The following RETREG1 variants were observed in gnomAD, a reference collection of about 807,000 sequenced individuals.
The protein encoded by RETREG1 is reticulophagy regulator 1.
A neutral mutation model predicts 54.8 loss-of-function variants in RETREG1; 44 were observed. That is an observed-to-expected ratio of 0.80 (90% CI 0.63 to 1.03). RETREG1 has a LOEUF of 1.03. RETREG1 is among the 50% of genes least tolerant of loss of function. The pLI, the probability that RETREG1 is intolerant of heterozygous loss-of-function variation, is 0.00. For synonymous variants in RETREG1, 217 were observed against 238.5 expected, an observed-to-expected ratio of 0.91 and a Z score of 0.83; for missense variants, 554 against 605.1, an observed-to-expected ratio of 0.92 and a Z score of 0.89.
chr5:16,496,671 CACA>C (rs1172388222), intron 3 of RETREG1, among the ~76,000 whole-genome samples: 1 of 152,184 alleles, frequency 6.6e-6, no homozygotes, highest in Non-Finnish European at 1.5e-5. Context: ...CAGAATCTGC[CACA>C]ACAATTCTCT....
intron 2 of RETREG1, among the ~76,000 whole-genome samples, chr5:16,569,872 A>G (rs555101233): frequency 6.6e-6 from 1 of 152,354 alleles, no homozygotes; most frequent in Non-Finnish European, 1.5e-5. Context: ...TGACATAGAC[A>G]GAAGAGAAGG....
At chr5:16,554,294 G>A (rs184363368) in intron 3 of RETREG1, among the ~76,000 whole-genome samples, 1 of 152,250 alleles carries the variant, frequency 6.6e-6, no homozygotes, top group East Asian at 1.9e-4. Context: ...TGTTTCTCTG[G>A]ACTTTGTCCC....
At chr5:16,540,221 G>C (rs1741201198) in intron 3 of RETREG1, among the ~76,000 whole-genome samples, 1 of 152,192 alleles carries the variant, frequency 6.6e-6, no homozygotes, top group South Asian at 2.1e-4. Context: ...TTATACAGCA[G>C]TTTGTATTTC....
At chr5:16,582,175 T>C (rs993462401) in intron 1 of RETREG1, among the ~76,000 whole-genome samples, 14 of 152,214 alleles carry the variant, frequency 9.2e-5, no homozygotes, top group African/African-American at 3.1e-4. Flanking sequence ...AAAGACATAC[T>C]GTGTGGTTTA....
intron 1 of RETREG1, among the ~76,000 whole-genome samples, chr5:16,612,060 G>A (rs1217090090): frequency 1.4e-4 from 16 of 111,694 alleles, no homozygotes; most frequent in Non-Finnish European, 2.5e-4. Context: ...GAGAGACTCC[G>A]TCTCAAAAAA....
At chr5:16,489,379 G>T (rs931309314) in intron 3 of RETREG1, among the ~76,000 whole-genome samples, 5 of 152,260 alleles carry the variant, frequency 3.3e-5, no homozygotes, top group Non-Finnish European at 4.4e-5. Flanking sequence ...TAATGCACTT[G>T]GCTGGCAGTT....
intron 3 of RETREG1, among the ~76,000 whole-genome samples, chr5:16,517,219 C>A (rs2126575705): frequency 7.2e-6 from 1 of 139,686 alleles, no homozygotes; most frequent in African/African-American, 2.7e-5. Context: ...CAGAATGCAG[C>A]TTACATCCAG....
chr5:16,572,134 A>G (rs767274078), intron 1 of RETREG1, 32 bp from the exon 2 acceptor site: 1 of 1,512,462 alleles, frequency 6.6e-7, no homozygotes, highest in South Asian at 1.1e-5. Flanking sequence ...CAGTATTTCA[A>G]TTTGAGGATT....
intron 3 of RETREG1, among the ~76,000 whole-genome samples, chr5:16,554,751 A>G (rs962349066): frequency 2.0e-5 from 3 of 152,164 alleles, no homozygotes; most frequent in Non-Finnish European, 2.9e-5. Context: ...CTACAACATG[A>G]TCTTTATTGG....
chr5:16,534,157 C>CA (rs980969686), intron 3 of RETREG1, among the ~76,000 whole-genome samples: 19 of 151,842 alleles, frequency 1.3e-4, no homozygotes, highest in Non-Finnish European at 7.4e-5. Flanking sequence ...TTTCACCAAG[C>CA]AAAAAAACTT....
chr5:16,575,198 G>A (rs954761930), intron 1 of RETREG1, among the ~76,000 whole-genome samples: 1 of 152,158 alleles, frequency 6.6e-6, no homozygotes, highest in African/African-American at 2.4e-5. Context: ...TCATAATGCA[G>A]TTCAACTTTT....
At chr5:16,588,238 G>A (rs925441835) in intron 1 of RETREG1, among the ~76,000 whole-genome samples, 30 of 152,184 alleles carry the variant, frequency 2.0e-4, no homozygotes, top group Admixed American at 6.5e-4. Flanking sequence ...GGTTTTTCCT[G>A]AGGCCTCTCT....
In RETREG1 at chr5:16,473,577, CTT is replaced by C. The variant is rs1468082562; in HGVS notation, c.*1162_*1163del. 1.3e-5 allele frequency: 2 copies of C among 152,542 alleles called. No homozygotes were observed. The allele number at this position is 152,542 out of a possible 1,614,324, so 9.4% of individuals were successfully genotyped here. A position where few individuals can be genotyped will look rare whatever the true frequency, so the allele number is the denominator to read the frequency against. On this transcript the variant is annotated 3_prime_UTR_variant, in exon 9 of 9. Transcript: ENST00000306320. Reference sequence around the variant, plus strand: ...TAGTTGCTGGCATGGTCCCTCGACACTTAAAGTTTATATCACAAAAACAAAAC... The same window carrying C: ...TAGTTGCTGGCATGGTCCCTCGACACAAAGTTTATATCACAAAAACAAAAC...
In RETREG1 at chr5:16,474,149, C is replaced by T. The variant is rs2401881; in HGVS notation, c.*592G>A. The T allele has an allele frequency of 0.031, 4,735 of 153,440 alleles. 249 individuals are homozygous for T. The highest frequency in any genetic ancestry group is 0.11 in the African/African-American group (4,439 of 41,526). The allele number at this position is 153,440 out of a possible 1,614,324, so 9.5% of individuals were successfully genotyped here. ...TACAACTGCAGAAATAACATGGAAA[C>T]GTTTCAGTCTATCCAGAGTACTTAA... On this transcript the variant is annotated 3_prime_UTR_variant, in exon 9 of 9. Transcript: ENST00000306320.
chr5:16,486,074 A>G (rs1313988968), intron 3 of RETREG1, among the ~76,000 whole-genome samples: 1 of 152,240 alleles, frequency 6.6e-6, no homozygotes, highest in African/African-American at 2.4e-5. Flanking sequence ...TTTCATCATT[A>G]CTTACATTTT....
chr5:16,539,435 T>G (rs1741174435), intron 3 of RETREG1, among the ~76,000 whole-genome samples: 1 of 152,078 alleles, frequency 6.6e-6, no homozygotes, highest in Non-Finnish European at 1.5e-5. Context: ...ACGTGTGCCC[T>G]CTGGAAATAA....
chr5:16,563,394 T>G (rs116829745), intron 3 of RETREG1, among the ~76,000 whole-genome samples: 4,731 of 152,204 alleles, frequency 0.031, 224 homozygotes, highest in African/African-American at 0.1. Context: ...AGTAGCTCAA[T>G]TTACATGCAT....
chr5:16,536,866 C>T (rs1018793734), intron 3 of RETREG1, among the ~76,000 whole-genome samples: 3 of 152,136 alleles, frequency 2.0e-5, no homozygotes, highest in African/African-American at 7.2e-5. Context: ...TGGGAGCTGC[C>T]AGAGATGAGT....
Position 16,477,895 on chromosome 5 carries a change from G to A in RETREG1, c.874-107C>T. 2.8e-6 allele frequency: 4 copies of A among 1,441,240 alleles called. No individual in the cohort carries two copies. In the South Asian group the frequency reaches 3.6e-5, roughly 13 times the overall value. The allele number at this position is 1,441,240 out of a possible 1,614,324, so 89.3% of individuals were successfully genotyped here. A position where few individuals can be genotyped will look rare whatever the true frequency, so the allele number is the denominator to read the frequency against. On this transcript the variant is annotated intron_variant, in intron 7 of 8. Coordinates refer to ENST00000306320, the MANE Select transcript of RETREG1 (RefSeq NM_001034850.3). ...AATGACAGAGTAATAAAAACCAAAT[G>A]GATATTTTTATTTTGAAATCATTCA...
Sources: allele counts gnomAD v4.1 joint callset (sites outside exome capture counted in the v4.1 genomes callset), GRCh38; gene constraint gnomAD v4.1.1; transcripts MANE v1.5; gene names NCBI Gene and HGNC (gene_info 2026-07-23, HGNC 2026-07-21).